The following ZNF398 variants were observed in gnomAD, a reference collection of about 807,000 sequenced individuals.
ZNF398 encodes the protein zinc finger protein 398, also known as zinc finger DNA binding protein ZER6.
ZNF398 carries 18 observed loss-of-function variants against 41.9 expected under a neutral mutation model. The observed-to-expected ratio is 0.43, with a 90% CI of 0.30 to 0.64. ZNF398 has a LOEUF of 0.64. Ranked by LOEUF, ZNF398 falls within the 30% of genes least tolerant of loss-of-function variation. The pLI, the probability that ZNF398 is intolerant of heterozygous loss-of-function variation, is 0.14. For missense variants in ZNF398, 669 were observed against 822.8 expected, an observed-to-expected ratio of 0.81 and a Z score of 2.29; for synonymous variants, 260 against 308.8, an observed-to-expected ratio of 0.84 and a Z score of 1.66.
At chr7:149,149,142 TGA>T (rs1199979185) in intron 1 of ZNF398, among the ~76,000 whole-genome samples, 2 of 152,028 alleles carry the variant, frequency 1.3e-5, no homozygotes, top group African/African-American at 2.4e-5. Flanking sequence ...AAAAAATTTT[TGA>T]GAAGTTAAAA....
chr7:149,159,017 T>G (rs567834341), intron 2 of ZNF398, among the ~76,000 whole-genome samples: 1 of 151,206 alleles, frequency 6.6e-6, no homozygotes. Flanking sequence ...GTCTCCCTCT[T>G]GCTCAGGCTG....
chr7:149,166,035 T>C (rs1795219624), intron 2 of ZNF398, 123 bp from the exon 3 acceptor site: 3 of 1,099,560 alleles, frequency 2.7e-6, no homozygotes, highest in Non-Finnish European at 1.3e-6. Flanking sequence ...TTCAGAGATA[T>C]TTAGAATATT....
chr7:149,133,027 G>T (rs117103373), intron 2 of ZNF398, among the ~76,000 whole-genome samples: 1 of 151,920 alleles, frequency 6.6e-6, no homozygotes, highest in Non-Finnish European at 1.5e-5. Flanking sequence ...CTATATCAGC[G>T]GTGAGGACAA....
At chr7:149,127,581 G>T (rs1265101574) in intron 1 of ZNF398, among the ~76,000 whole-genome samples, 2 of 148,396 alleles carry the variant, frequency 1.3e-5, no homozygotes, top group Non-Finnish European at 3.0e-5. Flanking sequence ...GCCGAGCGTT[G>T]TGGCGGGCGC....
At chr7:149,129,294 T>C (rs1826551522) in intron 2 of ZNF398, among the ~76,000 whole-genome samples, 1 of 152,140 alleles carries the variant, frequency 6.6e-6, no homozygotes, top group Non-Finnish European at 1.5e-5. Context: ...GTCCCTTAGT[T>C]AGAAATTTGG....
intron 2 of ZNF398, among the ~76,000 whole-genome samples, chr7:149,164,878 G>A (rs1795194015): frequency 6.6e-6 from 1 of 152,034 alleles, no homozygotes; most frequent in South Asian, 2.1e-4. Context: ...GGTGGATCAC[G>A]AGGTCAGGAA....
chr7:149,136,866 C>T (rs1264849888), intron 2 of ZNF398, among the ~76,000 whole-genome samples: 4 of 147,166 alleles, frequency 2.7e-5, no homozygotes, highest in Non-Finnish European at 4.5e-5. Flanking sequence ...CCGCGCTGGG[C>T]CTTTTTTTTT....
chr7:149,173,075 G>A (rs1158884145), intron 4 of ZNF398, among the ~76,000 whole-genome samples: 1 of 150,548 alleles, frequency 6.6e-6, no homozygotes, highest in South Asian at 2.1e-4. Context: ...AAAGGTTGGG[G>A]TGGCTGTGGC....
At chr7:149,130,430 A>G (rs964411032) in intron 2 of ZNF398, among the ~76,000 whole-genome samples, 2 of 152,248 alleles carry the variant, frequency 1.3e-5, no homozygotes, top group South Asian at 2.1e-4. Flanking sequence ...TAGAGCTGCT[A>G]TAAACATTTG....
intron 1 of ZNF398, chr7:149,151,153 G>A (rs1827101670): frequency 2.1e-5 from 21 of 996,850 alleles, no homozygotes; most frequent in Non-Finnish European, 2.4e-5. Flanking sequence ...TCCCCACTAA[G>A]CTTAGAAACC....
At position 149,151,212 on chromosome 7, in the gene ZNF398, C is replaced by A. The variant is rs10253818; in HGVS notation, c.25-2733C>A. ...TACCTGGTGATTTCCTCTAGGCACG[C>A]TTACTAATCTGCTTACAGGAATGGA... On this transcript the variant is annotated intron_variant, in intron 1 of 5. Transcript: ENST00000475153. 2.5e-6 allele frequency: 3 copies of A among 1,203,746 alleles called. No homozygotes were observed. In the Admixed American group the frequency reaches 9.2e-5, roughly 37 times the overall value. The allele number at this position is 1,203,746 out of a possible 1,614,324, so 74.6% of individuals were successfully genotyped here.
At chr7:149,155,588 G>C (rs1359452679) in intron 2 of ZNF398, among the ~76,000 whole-genome samples, 1 of 151,378 alleles carries the variant, frequency 6.6e-6, no homozygotes, top group Non-Finnish European at 1.5e-5. Flanking sequence ...TCACTGATGT[G>C]TAGGGCATTT....
intron 2 of ZNF398, among the ~76,000 whole-genome samples, chr7:149,158,197 A>G (rs1411085826): frequency 6.6e-6 from 1 of 152,202 alleles, no homozygotes; most frequent in Non-Finnish European, 1.5e-5. Flanking sequence ...AAGCATCCCA[A>G]GTAGAGAGTT....
At chr7:149,154,489 T>C in intron 2 of ZNF398, 149 bp downstream of exon 2, 1 of 1,029,946 alleles carries the variant, frequency 9.7e-7, no homozygotes, top group Non-Finnish European at 1.4e-6. Flanking sequence ...GTTTTATGTT[T>C]GTCTATTTGG....
chr7:149,135,288 G>A (rs1161818587), intron 2 of ZNF398, among the ~76,000 whole-genome samples: 1 of 150,842 alleles, frequency 6.6e-6, no homozygotes, highest in Non-Finnish European at 1.5e-5. Context: ...TACTTAGTAG[G>A]CTGAGGCAGG....
intron 4 of ZNF398, among the ~76,000 whole-genome samples, chr7:149,168,033 T>C (rs1795259868): frequency 1.3e-5 from 2 of 152,302 alleles, no homozygotes; most frequent in African/African-American, 4.8e-5. Flanking sequence ...TTCCTTATCA[T>C]GCATATATCT....
chr7:149,165,656 T>C (rs185219234), intron 2 of ZNF398, among the ~76,000 whole-genome samples: 5 of 152,318 alleles, frequency 3.3e-5, no homozygotes, highest in Admixed American at 3.3e-4. Context: ...CTGTTTGCTC[T>C]CAGTCATCAG....
rs543417448 is a variant in ZNF398, at chr7:149,163,466, G to A, written c.421-2692G>A. Among the ~76,000 whole-genome samples the A allele has an allele frequency of 8.9e-5, 13 of 146,826 alleles. No individual in the cohort carries two copies. The South Asian group carries it at 1.3e-3, about 15-fold the overall frequency. ...CGGCTCACCGCAACCTCCGCCTCCC[G>A]AGTTCAAGCGATTCTCCTGCCTCAG... On this transcript the variant is annotated intron_variant, in intron 2 of 5. Transcript: ENST00000475153.
chr7:149,143,694 C>G (rs1426517729), upstream of ZNF398, among the ~76,000 whole-genome samples: 1 of 152,148 alleles, frequency 6.6e-6, no homozygotes, highest in African/African-American at 2.4e-5. Flanking sequence ...TGCCTGTAAT[C>G]CCAGCTACTT....
Sources: gnomAD v4.1 joint callset for allele counts (sites outside exome capture counted in the v4.1 genomes callset) on GRCh38, gnomAD v4.1.1 for gene constraint, MANE v1.5 for transcripts, NCBI Gene and HGNC (gene_info 2026-07-23, HGNC 2026-07-21) for gene names.